The following TMEM255B variants were observed in gnomAD, a reference collection of about 807,000 sequenced individuals.
The protein encoded by TMEM255B is transmembrane protein 255B.
Under a neutral mutation model 34.5 loss-of-function variants are expected in TMEM255B, and 35 were observed. The observed-to-expected ratio is 1.01, with a 90% CI of 0.77 to 1.34. TMEM255B has a LOEUF of 1.34. Ranked by LOEUF, TMEM255B falls within the 40% of genes most tolerant of loss-of-function variation. The pLI, the probability that TMEM255B is intolerant of heterozygous loss-of-function variation, is 0.00. For synonymous variants in TMEM255B, 206 were observed against 201.2 expected, an observed-to-expected ratio of 1.02 and a Z score of -0.20; for missense variants, 432 against 433.2, an observed-to-expected ratio of 1.00 and a Z score of 0.02.
At chr13:113,776,722 C>G (rs2050585030) in intron 3 of TMEM255B, among the ~76,000 whole-genome samples, 1 of 152,210 alleles carries the variant, frequency 6.6e-6, no homozygotes, top group African/African-American at 2.4e-5. Context: ...GGTCGCTGAC[C>G]TGGAGCTTCC....
At chr13:113,765,981 A>T in intron 1 of TMEM255B, 134 bp from the exon 2 acceptor site, 1 of 1,137,822 alleles carries the variant, frequency 8.8e-7, no homozygotes, top group Non-Finnish European at 1.2e-6. Context: ...TGGTCCCCTG[A>T]GGTGGGCCTG....
At chr13:113,800,989 C>T (rs971108421) in intron 6 of TMEM255B, 77 bp downstream of exon 6, 42 of 1,325,408 alleles carry the variant, frequency 3.2e-5, no homozygotes, top group East Asian at 3.0e-4. Flanking sequence ...TCTACACCTG[C>T]GGGAGGTGAG....
At chr13:113,776,563 C>T (rs555870643) in intron 3 of TMEM255B, among the ~76,000 whole-genome samples, 5 of 152,352 alleles carry the variant, frequency 3.3e-5, no homozygotes, top group African/African-American at 9.6e-5. Context: ...CTCCGTCCCA[C>T]GGCCACAGTG....
rs748536037 is a variant in TMEM255B at position 113,811,893 on chromosome 13, A to G, written c.971A>G (p.Tyr324Cys). Residue 324 changes from tyrosine to cysteine, a missense_variant, in exon 9 of 9, where the codon TAC (tyrosine) becomes TGC (cysteine). Coordinates refer to ENST00000375353, the MANE Select transcript of TMEM255B (RefSeq NM_182614.4). ...CCCCCGGGGGAGAAGCCACCCCCCT[A>G]CGCACCCTGATAGAGGCGTGGAGTA... The part of the protein sequence containing the change: ...YFPPGEKPPP[Y>C]AP 6 of 1,607,830 alleles carry G rather than the reference A, an allele frequency of 3.7e-6. No homozygotes were observed. The highest frequency in any genetic ancestry group is 1.7e-6 in the Non-Finnish European group (2 of 1,177,742).
chr13:113,807,708 GTGGTCCTCCCTGTCACAC>G, intron 8 of TMEM255B, among the ~76,000 whole-genome samples: 1 of 143,548 alleles, frequency 7.0e-6, no homozygotes, highest in East Asian at 2.2e-4. Context: ...GGATGTGGGG[GTGGTCCTCCCTGTCACAC>G]GTGGGCTTAT....
At chr13:113,787,583 C>T (rs2050765546) in intron 3 of TMEM255B, among the ~76,000 whole-genome samples, 1 of 152,120 alleles carries the variant, frequency 6.6e-6, no homozygotes, top group South Asian at 2.1e-4. Context: ...GGTTCTGGGA[C>T]ACCCGCATGG....
chr13:113,790,870 T>C (rs1052979398), intron 3 of TMEM255B, among the ~76,000 whole-genome samples: 3 of 152,202 alleles, frequency 2.0e-5, no homozygotes, highest in African/African-American at 4.8e-5. Flanking sequence ...ATCCTAGCAC[T>C]GAACTTGCTG....
intron 4 of TMEM255B, among the ~76,000 whole-genome samples, chr13:113,798,885 G>A (rs1015544806): frequency 6.6e-6 from 1 of 152,206 alleles, no homozygotes; most frequent in African/African-American, 2.4e-5. Flanking sequence ...TGGATGGATG[G>A]TTGGGTGGGT....
rs2051166183 is a variant in TMEM255B at position 113,806,109 on chromosome 13, T to A, written c.813+1081T>A. ...ACATGACGTTGTCAGGAAAAGATCT[T>A]CCTTAGAGGGACATCCGGGGGAGGC... On this transcript the variant is annotated intron_variant, in intron 8 of 8. Transcript: ENST00000375353. The surrounding 1 kb of genome is among the most constrained non-coding windows in gnomAD (Gnocchi z 4.2). 6.6e-6 allele frequency among the ~76,000 whole-genome samples: 1 copy of A among 152,144 alleles called. No homozygotes were observed. Among genetic ancestry groups the A allele is most frequent in the African/African-American group, 2.4e-5 (1 of 41,424 alleles).
intron 3 of TMEM255B, among the ~76,000 whole-genome samples, chr13:113,773,478 C>G (rs910807538): frequency 6.6e-6 from 1 of 152,164 alleles, no homozygotes; most frequent in South Asian, 2.1e-4. Context: ...GGATAAAGAC[C>G]CAAGAGTGAC....
intron 4 of TMEM255B, among the ~76,000 whole-genome samples, chr13:113,798,719 A>G (rs2050988264): frequency 6.6e-6 from 1 of 150,988 alleles, no homozygotes; most frequent in African/African-American, 2.4e-5. Flanking sequence ...ACATGGATGG[A>G]TGGATGGATG....
At chr13:113,766,377 G>A (rs1037339466) in intron 2 of TMEM255B, 120 bp downstream of exon 2, 2 of 1,432,062 alleles carry the variant, frequency 1.4e-6, no homozygotes, top group African/African-American at 2.8e-5. Flanking sequence ...TTCGATCAGT[G>A]CTTGTGGTCG....
chr13:113,760,489 A>G (rs536210166), intron 1 of TMEM255B, among the ~76,000 whole-genome samples: 3 of 152,358 alleles, frequency 2.0e-5, no homozygotes, highest in African/African-American at 7.2e-5. Flanking sequence ...TCTTTTTAGT[A>G]TATGAAACAT....
intron 5 of TMEM255B, chr13:113,799,859 G>T (rs1010005631): frequency 1.1e-6 from 1 of 882,576 alleles, no homozygotes; most frequent in Non-Finnish European, 1.7e-6. Context: ...GGCGGCCGCC[G>T]CCTTCGCCAG....
rs1286276312 is a variant in TMEM255B, at chr13:113,795,016, A to T, written c.253-132A>T. 2.0e-5 allele frequency: 16 copies of T among 785,834 alleles called. No individual in the cohort carries two copies. The Admixed American group carries it at 2.7e-4, about 13-fold the overall frequency. 48.7% of individuals were successfully genotyped at this position (785,834 alleles called of 1,614,324 possible). A position where few individuals can be genotyped will look rare whatever the true frequency, so the allele number is the denominator to read the frequency against. ...CCTGGCCAGGGCTGGAAGTCATAGG[A>T]CGAAAGGTAGAGGTGAGAAGAGGCA... On this transcript the variant is annotated intron_variant, in intron 3 of 8. Coordinates refer to ENST00000375353, the MANE Select transcript of TMEM255B (RefSeq NM_182614.4).
chr13:113,793,554 G>A (rs570606061), intron 3 of TMEM255B, among the ~76,000 whole-genome samples: 88 of 102,740 alleles, frequency 8.6e-4, no homozygotes, highest in African/African-American at 3.2e-3. Flanking sequence ...CCCACCCAAG[G>A]ACGCACTGAC....
chr13:113,791,404 G>A (rs1444099525), intron 3 of TMEM255B, among the ~76,000 whole-genome samples: 1 of 152,216 alleles, frequency 6.6e-6, no homozygotes, highest in African/African-American at 2.4e-5. Flanking sequence ...GATGGCTTCG[G>A]CTCCCACTAG....
At chr13:113,799,807 T>C (rs541170571) in intron 5 of TMEM255B, 1 of 643,498 alleles carries the variant, frequency 1.6e-6, no homozygotes, top group African/African-American at 1.8e-5. Context: ...TGACCTCATT[T>C]CTCTTTCCAG....
chr13:113,767,624 A>G (rs1347930395), intron 2 of TMEM255B, among the ~76,000 whole-genome samples: 1 of 152,258 alleles, frequency 6.6e-6, no homozygotes, highest in African/African-American at 2.4e-5. Context: ...TGCTGTGCTG[A>G]CCAGATTGAA....
Sources: allele counts gnomAD v4.1 joint callset (sites outside exome capture counted in the v4.1 genomes callset), GRCh38; gene constraint gnomAD v4.1.1; non-coding constraint Gnocchi (gnomAD v3.1); transcripts MANE v1.5; gene names NCBI Gene and HGNC (gene_info 2026-07-23, HGNC 2026-07-21).